The following CPED1 variants were observed in gnomAD, a reference collection of about 807,000 sequenced individuals.
CPED1 encodes the protein cadherin like and PC-esterase domain containing 1.
Under a neutral mutation model 128.2 loss-of-function variants are expected in CPED1, and 114 were observed. The ratio of observed to expected loss-of-function variants is 0.89; its 90% CI spans 0.76 to 1.04. CPED1 has a LOEUF of 1.04. CPED1 is among the 50% of genes least tolerant of loss of function. CPED1 has a pLI of 0.00. For synonymous variants in CPED1, 462 were observed against 426.7 expected, an observed-to-expected ratio of 1.08 and a Z score of -1.02; for missense variants, 1,211 against 1,207.1, an observed-to-expected ratio of 1.00 and a Z score of -0.05.
At chr7:121,112,677 T>G (rs1471905194) in intron 7 of CPED1, among the ~76,000 whole-genome samples, 1 of 152,120 alleles carries the variant, frequency 6.6e-6, no homozygotes, top group African/African-American at 2.4e-5. Context: ...TTACATCACA[T>G]TTGCTAAATA....
chr7:121,074,508 T>A (rs1465600689), intron 5 of CPED1, among the ~76,000 whole-genome samples: 4 of 98,984 alleles, frequency 4.0e-5, no homozygotes, highest in African/African-American at 1.7e-4. Context: ...ATTTCCTTTG[T>A]GTTTTTTTTT....
At chr7:121,189,760 T>TTATATATATATA (rs377035175) in intron 16 of CPED1, among the ~76,000 whole-genome samples, 2,238 of 46,930 alleles carry the variant, frequency 0.048, 100 homozygotes, top group Non-Finnish European at 0.06. Flanking sequence ...TTATGAGGTT[T>TTATATATATATA]TATATATATA....
intron 2 of CPED1, among the ~76,000 whole-genome samples, chr7:120,995,956 TCC>T (rs1796393843): frequency 7.1e-6 from 1 of 141,182 alleles, no homozygotes. Context: ...CTCCTCCTCC[TCC>T]TCCTCCTCCT....
intron 2 of CPED1, among the ~76,000 whole-genome samples, chr7:121,011,864 G>A (rs943994442): frequency 1.3e-5 from 2 of 151,966 alleles, no homozygotes; most frequent in Non-Finnish European, 1.5e-5. Context: ...TTAATTGAAA[G>A]GCTTATGGAA....
chr7:121,156,613 TCA>T (rs1796289810), intron 16 of CPED1, among the ~76,000 whole-genome samples: 1 of 152,190 alleles, frequency 6.6e-6, no homozygotes, highest in Non-Finnish European at 1.5e-5. Flanking sequence ...ATGTTCACGT[TCA>T]TATATGTGAG....
At chr7:121,013,870 C>G (rs1792225282) in intron 2 of CPED1, among the ~76,000 whole-genome samples, 1 of 152,210 alleles carries the variant, frequency 6.6e-6, no homozygotes, top group Non-Finnish European at 1.5e-5. Context: ...TTGATAGGTG[C>G]TATAATTCAT....
chr7:121,277,242 TG>T (rs1291120829), intron 22 of CPED1, among the ~76,000 whole-genome samples: 2 of 152,248 alleles, frequency 1.3e-5, no homozygotes, highest in East Asian at 3.9e-4. Context: ...AAAGAATGAC[TG>T]AAAAGTCACC....
intron 22 of CPED1, among the ~76,000 whole-genome samples, chr7:121,285,119 C>T (rs751949568): frequency 6.6e-6 from 1 of 152,208 alleles, no homozygotes; most frequent in South Asian, 2.1e-4. Context: ...AGGTCCAACA[C>T]CATTTGGAAG....
At chr7:121,263,119 T>C (rs1324354931) in intron 18 of CPED1, among the ~76,000 whole-genome samples, 2 of 152,068 alleles carry the variant, frequency 1.3e-5, no homozygotes, top group Non-Finnish European at 2.9e-5. Flanking sequence ...ATGACAGTGG[T>C]GATGCTTCCT....
intron 7 of CPED1, among the ~76,000 whole-genome samples, chr7:121,109,912 AC>A (rs1584517902): frequency 6.6e-6 from 1 of 152,206 alleles, no homozygotes; most frequent in African/African-American, 2.4e-5. Context: ...CATGAATAGG[AC>A]GATGATTACA....
chr7:120,999,036 C>T (rs1791755146), intron 2 of CPED1, among the ~76,000 whole-genome samples: 1 of 152,142 alleles, frequency 6.6e-6, no homozygotes, highest in Non-Finnish European at 1.5e-5. Flanking sequence ...AGTGTAAAAA[C>T]AGCCTCTGAT....
At position 121,256,122 on chromosome 7, in the gene CPED1, AACAAAAC is replaced by A. The variant is rs1216920505; in HGVS notation, c.2311-10103_2311-10097del. ...AAAGCAATCCTAAGCAAAAAAAAAAAACAAAACAAAAAAAAAAAACAAAGCTTATGCC... is the reference window on the plus strand; with the variant it reads ...AAAGCAATCCTAAGCAAAAAAAAAAAAAAAAAAAAAAACAAAGCTTATGCC... On this transcript the variant is annotated intron_variant, in intron 18 of 22. Transcript: ENST00000310396. 2.1e-3 allele frequency among the ~76,000 whole-genome samples: 66 copies of A among 31,082 alleles called. 4 individuals are homozygous for A. Among genetic ancestry groups the A allele is most frequent in the Middle Eastern group, 0.017 (1 of 60 alleles). The allele number at this position is 31,082 out of a possible 152,430, so 20.4% of individuals were successfully genotyped here.
rs1304304033 is a variant in CPED1, at chr7:121,087,688, T to A, written c.617-10011T>A. 2.6e-5 allele frequency among the ~76,000 whole-genome samples: 3 copies of A among 115,376 alleles called. No individual in the cohort carries two copies. In the East Asian group the frequency reaches 7.0e-4, roughly 27 times the overall value. The allele number at this position is 115,376 out of a possible 152,430, so 75.7% of individuals were successfully genotyped here. Reference sequence around the variant, plus strand: ...TCCTGTTTTTTTTTTTTTGGCAGAGTCTTTCTCAGTTGCCCAGGCTGGAAT... The same window carrying A: ...TCCTGTTTTTTTTTTTTTGGCAGAGACTTTCTCAGTTGCCCAGGCTGGAAT... On this transcript the variant is annotated intron_variant, in intron 5 of 22. Coordinates refer to ENST00000310396, the MANE Select transcript of CPED1 (RefSeq NM_024913.5).
chr7:121,169,208 C>T (rs1796598162), intron 16 of CPED1, among the ~76,000 whole-genome samples: 1 of 152,026 alleles, frequency 6.6e-6, no homozygotes, highest in Non-Finnish European at 1.5e-5. Flanking sequence ...AATTAACAAG[C>T]TGCCTATAGC....
intron 5 of CPED1, among the ~76,000 whole-genome samples, chr7:121,069,529 C>T (rs889681749): frequency 1.3e-4 from 20 of 152,034 alleles, no homozygotes; most frequent in African/African-American, 3.9e-4. Context: ...GATTGGAGAT[C>T]GCACGTAAGG....
chr7:121,244,069 T>C (rs1798462969), intron 17 of CPED1, 133 bp from the exon 18 acceptor site: 1 of 1,034,232 alleles, frequency 9.7e-7, no homozygotes. Context: ...GCCTTCATTA[T>C]TCCACTAGAT....
chr7:121,025,949 T>C (rs1792569323), intron 3 of CPED1, among the ~76,000 whole-genome samples: 1 of 152,166 alleles, frequency 6.6e-6, no homozygotes, highest in Non-Finnish European at 1.5e-5. Flanking sequence ...CTGATAGTGC[T>C]ATCCCGGCAG....
chr7:121,008,539 C>A (rs1413606265), intron 2 of CPED1, among the ~76,000 whole-genome samples: 1 of 152,084 alleles, frequency 6.6e-6, no homozygotes, highest in Non-Finnish European at 1.5e-5. Context: ...TATTTTCTTT[C>A]ATACACAATA....
intron 2 of CPED1, 115 bp downstream of exon 2, chr7:120,989,985 G>C: frequency 8.0e-7 from 1 of 1,251,794 alleles, no homozygotes; most frequent in East Asian, 2.3e-5. Flanking sequence ...GATCCAGAGT[G>C]TAAACAGCCT....
Sources: gnomAD v4.1 joint callset for allele counts (sites outside exome capture counted in the v4.1 genomes callset) on GRCh38, gnomAD v4.1.1 for gene constraint, MANE v1.5 for transcripts, NCBI Gene and HGNC (gene_info 2026-07-23, HGNC 2026-07-21) for gene names.